Variants in AMER2 observed in about 807,000 individuals in gnomAD.
AMER2 encodes family with sequence similarity 123A.
A neutral mutation model predicts 4.7 loss-of-function variants in AMER2; 1 was observed. The observed-to-expected ratio is 0.21, with a 90% CI of 0.07 to 1.00. The LOEUF (loss-of-function observed/expected upper bound fraction) is 1.00. Among genes scored for constraint, AMER2 ranks in the 50% least tolerant of loss-of-function variants. The pLI, the probability that AMER2 is intolerant of heterozygous loss-of-function variation, is 0.60. For synonymous variants in AMER2, 485 were observed against 433.3 expected (o/e 1.12, Z -1.48); for missense variants, 988 against 966.9 (o/e 1.02, Z -0.29).
rs1390854611 is a variant in AMER2 at position 25,171,819 on chromosome 13, G to T, written c.-200C>A. On this transcript the variant is annotated 5_prime_UTR_variant, in exon 1 of 1. Transcript: ENST00000515384. This position sits in a 1 kb window ranked among gnomAD's most constrained non-coding sequence, Gnocchi z 5.9. ...CCGACTTGGCTCGGCGCTGCATGGC[G>T]TTTTTGTGGCAGGAGCAGGCAACAC... 2.6e-6 allele frequency: 3 copies of T among 1,138,606 alleles called. No individual in the cohort carries two copies. The East Asian group carries it at 9.6e-5, about 37-fold the overall frequency. 70.5% of individuals were successfully genotyped at this position (1,138,606 alleles called of 1,614,324 possible).
chr13:25,171,633 G>A lies in AMER2; in HGVS notation c.-14C>T. ...GCTCGTCTCCATGGAAACCGCGCGG[G>A]ATAAGCCGCTTTCGTCAGCAGTGGG... is the stretch of plus-strand genomic sequence containing the variant. On this transcript the variant is annotated 5_prime_UTR_variant, in exon 1 of 1. Transcript: ENST00000515384. This position sits in a 1 kb window ranked among gnomAD's most constrained non-coding sequence, Gnocchi z 5.9. The A allele has an allele frequency of 1.4e-6, 2 of 1,463,802 alleles. No homozygotes were observed. The highest frequency in any genetic ancestry group is 1.8e-6 in the Non-Finnish European group (2 of 1,120,510). 90.7% of individuals were successfully genotyped at this position (1,463,802 alleles called of 1,614,324 possible). A position where few individuals can be genotyped will look rare whatever the true frequency, so the allele number is the denominator to read the frequency against.
chr13:25,170,429 G>T lies in AMER2; in HGVS notation c.1191C>A (p.Asp397Glu), dbSNP rs1313454649. Residue 397 changes from aspartate to glutamate, a missense_variant, in exon 1 of 1, where the codon GAC becomes GAA. By Grantham distance (45) the Asp-to-Glu change is conservative (BLOSUM62 2). Transcript: ENST00000515384. The surrounding 1 kb of genome is among the most constrained non-coding windows in gnomAD (Gnocchi z 7.3). ...GCTTGCCTGGCCCGGGGACATGCTTGTCACAGCTGGGACCTGCCTCTTCCT... is the reference window on the plus strand; with the variant it reads ...GCTTGCCTGGCCCGGGGACATGCTTTTCACAGCTGGGACCTGCCTCTTCCT... Reference protein sequence around the residue: ...DQEEEAGPSCDKHVPGPGKPA... With the variant: ...DQEEEAGPSCEKHVPGPGKPA... The T allele has an allele frequency of 5.0e-6, 8 of 1,614,072 alleles. No individual in the cohort carries two copies. Among genetic ancestry groups the T allele is most frequent in the African/African-American group, 2.7e-5 (2 of 74,940 alleles).
Position 25,170,316 on chromosome 13 carries a change from T to C in AMER2, c.1304A>G (p.Tyr435Cys), listed in dbSNP as rs1447142398. 6.2e-7 allele frequency: 1 copy of C among 1,613,896 alleles called. No homozygotes were observed. The highest frequency in any genetic ancestry group is 8.5e-7 in the Non-Finnish European group (1 of 1,179,982). ...MASPDEVDDT[Y>C]LQEFWDMLSQ... is the part of the protein sequence containing the mutation. ...GAGCATGTCCCAGAACTCCTGTAGA[T>C]AGGTGTCGTCCACCTCGTCCGGGCT... The change falls in exon 1 of 1, where the codon TAT becomes TGT. Residue 435 changes from tyrosine to cysteine, a missense_variant. Physicochemically the swap from Tyr to Cys is radical, Grantham distance 194 (BLOSUM62 -2). Transcript: ENST00000515384. This position sits in a 1 kb window ranked among gnomAD's most constrained non-coding sequence, Gnocchi z 7.3.
At position 25,171,573 on chromosome 13, in the gene AMER2, C is replaced by T; in HGVS notation, c.47G>A (p.Arg16His). 1.3e-6 allele frequency: 2 copies of T among 1,536,254 alleles called. No homozygotes were observed. Among genetic ancestry groups the T allele is most frequent in the Non-Finnish European group, 1.7e-6 (2 of 1,154,182 alleles). Reference sequence around the variant, plus strand: ...CCCCACGGACGCGCCAGCTCCGCCGCGCTCGCTGACAGCCCCGCCGCCGCC... The same window carrying T: ...CCCCACGGACGCGCCAGCTCCGCCGTGCTCGCTGACAGCCCCGCCGCCGCC... Reference protein sequence around the residue: ...SRGGGGAVSERGGAGASVGVC... With the variant: ...SRGGGGAVSEHGGAGASVGVC... Residue 16 changes from arginine (R) to histidine (H), a missense_variant, in exon 1 of 1, where the codon CGC (arginine) becomes CAC (histidine). By Grantham distance (29) the Arg-to-His change is conservative (BLOSUM62 0). Coordinates refer to ENST00000515384, the MANE Select transcript of AMER2 (RefSeq NM_152704.4). This position sits in a 1 kb window ranked among gnomAD's most constrained non-coding sequence, Gnocchi z 5.9.
rs1270841624 is a variant in AMER2 at position 25,168,510 on chromosome 13, C to G, written c.*1094G>C. ...AGGCAGAGCCATTCCTCTGGGACAC[C>G]AGCACAATAGATTTTTTTTTTTTTT... On this transcript the variant is annotated 3_prime_UTR_variant, in exon 1 of 1. Coordinates refer to ENST00000515384, the MANE Select transcript of AMER2 (RefSeq NM_152704.4). The G allele has an allele frequency of 6.6e-6, 1 of 150,520 alleles. No homozygotes were observed. The highest frequency in any genetic ancestry group is 2.4e-5 in the African/African-American group (1 of 40,822). 9.3% of individuals were successfully genotyped at this position (150,520 alleles called of 1,614,324 possible).
Position 25,167,688 on chromosome 13 carries a change from A to G in AMER2, c.*1916T>C, listed in dbSNP as rs1236888634. The stretch of plus-strand genomic sequence containing the variant: ...GATCTGAGACAATGCAATAAAAGCC[A>G]GTCATATGACTAATGAAGAAATTCA... On this transcript the variant is annotated 3_prime_UTR_variant, in exon 1 of 1. Transcript: ENST00000515384. The G allele has an allele frequency of 2.6e-5, 4 of 152,202 alleles. No homozygotes were observed. Among genetic ancestry groups the G allele is most frequent in the African/African-American group, 9.6e-5 (4 of 41,470 alleles). 9.4% of individuals were successfully genotyped at this position (152,202 alleles called of 1,614,324 possible).
At position 25,169,675 on chromosome 13, in the gene AMER2, C is replaced by T; in HGVS notation, c.1945G>A (p.Val649Ile). ...GTCCCAGCCAAGCCCCGGTTGCTGA[C>T]TCTGCGGACCAGCACTTTGGAAACC... ...IPVSKVLVRR[V>I]SNRGLAGTTI... Residue 649 changes from valine to isoleucine, a missense_variant, in exon 1 of 1, where the codon GTC (valine) becomes ATC (isoleucine). Transcript: ENST00000515384. This position sits in a 1 kb window ranked among gnomAD's most constrained non-coding sequence, Gnocchi z 4.2. The T allele has an allele frequency of 6.2e-7, 1 of 1,613,714 alleles. No individual in the cohort carries two copies. Among genetic ancestry groups the T allele is most frequent in the Non-Finnish European group, 8.5e-7 (1 of 1,179,796 alleles).
At position 25,172,150 on chromosome 13, in the gene AMER2, C is replaced by T. The variant is rs1956594758; in HGVS notation, c.-531G>A. 1 of 153,636 alleles carries T rather than the reference C, an allele frequency of 6.5e-6. No individual in the cohort carries two copies. The highest frequency in any genetic ancestry group is 2.4e-5 in the African/African-American group (1 of 41,508). The allele number at this position is 153,636 out of a possible 1,614,324, so 9.5% of individuals were successfully genotyped here. A position where few individuals can be genotyped will look rare whatever the true frequency, so the allele number is the denominator to read the frequency against. Reference sequence around the variant, plus strand: ...GCCTACATCCATGTCTTGTCCAGAGCTGAGCACACGCTAGGTCCATGCTGT... The same window carrying T: ...GCCTACATCCATGTCTTGTCCAGAGTTGAGCACACGCTAGGTCCATGCTGT... On this transcript the variant is annotated 5_prime_UTR_variant, in exon 1 of 1. Transcript: ENST00000515384.
In AMER2 at chr13:25,170,549, C is replaced by A. The variant is rs778017679; in HGVS notation, c.1071G>T (p.Pro357=). 7.4e-6 allele frequency: 12 copies of A among 1,613,660 alleles called. No individual in the cohort carries two copies. Among genetic ancestry groups the A allele is most frequent in the Middle Eastern group, 1.6e-4 (1 of 6,062 alleles). The change falls in exon 1 of 1, where the codon CCG becomes CCT. Residue 357 remains proline (P), a synonymous_variant. Transcript: ENST00000515384. This position sits in a 1 kb window ranked among gnomAD's most constrained non-coding sequence, Gnocchi z 7.3. Reference sequence around the variant, plus strand: ...ACATCAAACAAATACGATCTGCCGACGGGTCTGAGGGTGGATCGACAGAGG... The same window carrying A: ...ACATCAAACAAATACGATCTGCCGAAGGGTCTGAGGGTGGATCGACAGAGG... ...DPASVDPPSD[P]SADRICLMFS... is the part of the protein sequence containing the mutation.
chr13:25,168,761 G>A lies in AMER2; in HGVS notation c.*843C>T, dbSNP rs1215698760. 1 of 152,624 alleles carries A rather than the reference G, an allele frequency of 6.6e-6. No homozygotes were observed. Among genetic ancestry groups the A allele is most frequent in the African/African-American group, 2.4e-5 (1 of 41,444 alleles). The allele number at this position is 152,624 out of a possible 1,614,324, so 9.5% of individuals were successfully genotyped here. The stretch of plus-strand genomic sequence containing the variant: ...ATTATCTTCACATGAAAAGGTTTCA[G>A]TTTATAAATGCTTAAATACTGTATC... On this transcript the variant is annotated 3_prime_UTR_variant, in exon 1 of 1. Transcript: ENST00000515384.
chr13:25,169,643 G>A lies in AMER2; in HGVS notation c.1977C>T (p.Ile659=). The A allele has an allele frequency of 5.0e-6, 8 of 1,609,566 alleles. No homozygotes were observed. Among genetic ancestry groups the A allele is most frequent in the Non-Finnish European group, 6.8e-6 (8 of 1,177,700 alleles). The change falls in exon 1 of 1, where the codon ATC becomes ATT. Residue 659 remains isoleucine (I), a synonymous_variant. Transcript: ENST00000515384. This position sits in a 1 kb window ranked among gnomAD's most constrained non-coding sequence, Gnocchi z 4.2. ...CACTGTCGTGGCAGGCCGTTGCTCT[G>A]ATGGTGGTCCCAGCCAAGCCCCGGT... is the stretch of plus-strand genomic sequence containing the variant. ...VSNRGLAGTT[I]RATACHDSAK... is the part of the protein sequence containing the mutation.
At position 25,165,406 on chromosome 13, in the gene AMER2, C is replaced by A. The variant is rs113007739; in HGVS notation, c.*4198G>T. The A allele has an allele frequency of 0.02, 3,006 of 152,380 alleles. 29 individuals are homozygous for A. Among genetic ancestry groups the A allele is most frequent in the Non-Finnish European group, 0.032 (2,156 of 68,066 alleles). 9.4% of individuals were successfully genotyped at this position (152,380 alleles called of 1,614,324 possible). A position where few individuals can be genotyped will look rare whatever the true frequency, so the allele number is the denominator to read the frequency against. The stretch of plus-strand genomic sequence containing the variant: ...AACTACACCCTTGCCTTTTGCTTCC[C>A]CACACAGGCTCTGTAAGACACTCGT... On this transcript the variant is annotated 3_prime_UTR_variant, in exon 1 of 1. Coordinates refer to ENST00000515384, the MANE Select transcript of AMER2 (RefSeq NM_152704.4).
chr13:25,169,862 G>C lies in AMER2; in HGVS notation c.1758C>G (p.Pro586=). The stretch of plus-strand genomic sequence containing the variant: ...GACAGGTGATGGTGCCTGGAGATAC[G>C]GGCTTTAACCGGGACAGGGAGGACG... ...EETSSLSRLK[P]VSPGTITCPL... The change falls in exon 1 of 1, where the codon CCC becomes CCG. Residue 586 remains proline, a synonymous_variant. Coordinates refer to ENST00000515384, the MANE Select transcript of AMER2 (RefSeq NM_152704.4). This position sits in a 1 kb window ranked among gnomAD's most constrained non-coding sequence, Gnocchi z 4.2. 6.2e-7 allele frequency: 1 copy of C among 1,614,110 alleles called. No homozygotes were observed. Among genetic ancestry groups the C allele is most frequent in the Non-Finnish European group, 8.5e-7 (1 of 1,179,996 alleles).
At position 25,170,118 on chromosome 13, in the gene AMER2, T is replaced by C. The variant is rs753235083; in HGVS notation, c.1502A>G (p.His501Arg). 1.9e-6 allele frequency: 3 copies of C among 1,613,888 alleles called. No individual in the cohort carries two copies. In the East Asian group the frequency reaches 6.7e-5, roughly 36 times the overall value. ...CGGGTGCTTGGGCTCCTCCTTAGGA[T>C]GGGGCTCGATGGGAATCCGGTTGAG... ...RRLNRIPIEP[H>R]PKEEPKHPEK... Residue 501 changes from histidine (H) to arginine (R), a missense_variant, in exon 1 of 1, where the codon CAT (histidine) becomes CGT (arginine). His to Arg is a conservative substitution (Grantham distance 29, BLOSUM62 0). Coordinates refer to ENST00000515384, the MANE Select transcript of AMER2 (RefSeq NM_152704.4). This position sits in a 1 kb window ranked among gnomAD's most constrained non-coding sequence, Gnocchi z 7.3.
Position 25,171,275 on chromosome 13 carries a change from C to T in AMER2, c.345G>A (p.Leu115=), listed in dbSNP as rs781187359. The T allele has an allele frequency of 3.8e-6, 6 of 1,559,770 alleles. No homozygotes were observed. In the African/African-American group the frequency reaches 7.1e-5, roughly 18 times the overall value. Residue 115 remains leucine (L), a synonymous_variant, in exon 1 of 1, where the codon CTG becomes CTA. Transcript: ENST00000515384. This position sits in a 1 kb window ranked among gnomAD's most constrained non-coding sequence, Gnocchi z 5.9. ...GCGGCTCCTCCTTCCTGCCGCTCTC[C>T]AGCACCAGCACCTCGGCAAGTCCGT... ...THDGLAEVLV[L]ESGRKEEPRG...
rs1956499563 is a variant in AMER2 at position 25,168,057 on chromosome 13, A to G, written c.*1547T>C. 1 of 152,222 alleles carries G rather than the reference A, an allele frequency of 6.6e-6. No homozygotes were observed. Among genetic ancestry groups the G allele is most frequent in the African/African-American group, 2.4e-5 (1 of 41,470 alleles). 9.4% of individuals were successfully genotyped at this position (152,222 alleles called of 1,614,324 possible). A position where few individuals can be genotyped will look rare whatever the true frequency, so the allele number is the denominator to read the frequency against. On this transcript the variant is annotated 3_prime_UTR_variant, in exon 1 of 1. Transcript: ENST00000515384. ...TAGTAGAAGCTCTGGTCTTTTGATT[A>G]AATACACTGAAGTGTATTTCAAAAA...
Position 25,163,254 on chromosome 13 carries a change from A to G in AMER2, c.*6350T>C, listed in dbSNP as rs1210363823. ...ATGCAACCACTGTGGAAAGCAGCAC[A>G]GAAGTTTCTCAAAAAATTAAAAATA... is the stretch of plus-strand genomic sequence containing the variant. On this transcript the variant is annotated 3_prime_UTR_variant, in exon 1 of 1. Transcript: ENST00000515384. 1.3e-5 allele frequency: 2 copies of G among 152,370 alleles called. No individual in the cohort carries two copies. Among genetic ancestry groups the G allele is most frequent in the South Asian group, 4.1e-4 (2 of 4,830 alleles). 9.4% of individuals were successfully genotyped at this position (152,370 alleles called of 1,614,324 possible).
chr13:25,170,370 G>GCCA lies in AMER2; in HGVS notation c.1247_1249dup (p.Val416dup), dbSNP rs1422307806. The GCCA allele has an allele frequency of 1.2e-6, 2 of 1,614,050 alleles. No individual in the cohort carries two copies. The highest frequency in any genetic ancestry group is 1.7e-6 in the Non-Finnish European group (2 of 1,179,986). On this transcript the variant is annotated inframe_insertion, in exon 1 of 1. Transcript: ENST00000515384. This position sits in a 1 kb window ranked among gnomAD's most constrained non-coding sequence, Gnocchi z 7.3. The stretch of plus-strand genomic sequence containing the variant: ...CATCTCTTCCCCGCCTCCTTGGTAG[G>GCCA]CCACCACGCCGGGGTTCTTTTTAGA...
rs909732771 is a variant in AMER2 at position 25,166,541 on chromosome 13, T to C, written c.*3063A>G. 3 of 152,212 alleles carry C rather than the reference T, an allele frequency of 2.0e-5. No homozygotes were observed. The highest frequency in any genetic ancestry group is 4.8e-5 in the African/African-American group (2 of 41,458). 9.4% of individuals were successfully genotyped at this position (152,212 alleles called of 1,614,324 possible). A position where few individuals can be genotyped will look rare whatever the true frequency, so the allele number is the denominator to read the frequency against. ...CAACCGATAAATTTTCGCCCAACAATTGATTTGACTTTTTCCTGTCTAATT... is the reference window on the plus strand; with the variant it reads ...CAACCGATAAATTTTCGCCCAACAACTGATTTGACTTTTTCCTGTCTAATT... On this transcript the variant is annotated 3_prime_UTR_variant, in exon 1 of 1. Coordinates refer to ENST00000515384, the MANE Select transcript of AMER2 (RefSeq NM_152704.4).
Sources: gnomAD v4.1 joint callset for allele counts on GRCh38, gnomAD v4.1.1 for gene constraint, Gnocchi (gnomAD v3.1) non-coding constraint, MANE v1.5 for transcripts, NCBI Gene and HGNC (gene_info 2026-07-23, HGNC 2026-07-21) for gene names.